The following ANKS1A variants were observed in gnomAD, a reference collection of about 807,000 sequenced individuals.
ANKS1A encodes the protein ankyrin repeat and sterile alpha motif domain containing 1A, also known as ankyrin repeat and SAM domain-containing protein 1A.
A neutral mutation model predicts 120.3 loss-of-function variants in ANKS1A; 55 were observed. The observed-to-expected ratio is 0.46, with a 90% confidence interval of 0.37 to 0.57. The LOEUF is 0.57. ANKS1A is among the 20% of genes least tolerant of loss of function. The pLI is 0.00. For synonymous variants in ANKS1A, 590 were observed against 604.7 expected (o/e 0.98, Z 0.36); for missense variants, 1,123 against 1,480.3 (o/e 0.76, Z 3.96).
At chr6:35,097,239 T>G in the ANKS1A span, among the ~76,000 whole-genome samples, 32 of 148,942 alleles carry the variant, frequency 2.1e-4, no homozygotes, top group African/African-American at 7.7e-4. Context: ...AGTTAGGTTC[T>G]CAGGGCCAGG....
At chr6:34,923,743 G>A (rs1295574916) in intron 1 of ANKS1A, among the ~76,000 whole-genome samples, 1 of 152,182 alleles carries the variant, frequency 6.6e-6, no homozygotes, top group Non-Finnish European at 1.5e-5. Context: ...CTTCCTTCCT[G>A]TGAGACCAGA....
At chr6:34,912,366 A>G (rs541358553) in intron 1 of ANKS1A, among the ~76,000 whole-genome samples, 2 of 152,300 alleles carry the variant, frequency 1.3e-5, no homozygotes, top group Admixed American at 1.3e-4. Context: ...TTAAAAAACC[A>G]AGTCTAGGTT....
chr6:35,012,817 C>T (rs1036153961), intron 10 of ANKS1A, among the ~76,000 whole-genome samples: 3 of 152,016 alleles, frequency 2.0e-5, no homozygotes, highest in Non-Finnish European at 2.9e-5. Flanking sequence ...CAGCTGGCCT[C>T]GATGTATGGG....
intron 1 of ANKS1A, among the ~76,000 whole-genome samples, chr6:34,892,837 C>T (rs1766889255): frequency 6.6e-6 from 1 of 152,176 alleles, no homozygotes; most frequent in African/African-American, 2.4e-5. Flanking sequence ...TATAGCAACC[C>T]TCACCGATTG....
At chr6:34,959,300 A>G (rs1770521020) in intron 1 of ANKS1A, among the ~76,000 whole-genome samples, 1 of 152,212 alleles carries the variant, frequency 6.6e-6, no homozygotes, top group Non-Finnish European at 1.5e-5. Flanking sequence ...GGTTTGTTAT[A>G]CTGCATAGAG....
At chr6:34,951,193 C>T (rs1012227252) in intron 1 of ANKS1A, among the ~76,000 whole-genome samples, 1 of 151,716 alleles carries the variant, frequency 6.6e-6, no homozygotes, top group South Asian at 2.1e-4. Flanking sequence ...TGCCTTGCCT[C>T]GTTTTATAGA....
At chr6:34,936,442 T>C (rs557447734) in intron 1 of ANKS1A, among the ~76,000 whole-genome samples, 1 of 152,336 alleles carries the variant, frequency 6.6e-6, no homozygotes, top group Non-Finnish European at 1.5e-5. Flanking sequence ...CCTCCAACTG[T>C]AGATGGCTCA....
Position 35,086,158 on chromosome 6 carries a change from G to T in ANKS1A, c.3303+222G>T. ...TCTCATGCTCCTGTTTCCCTCCCTC[G>T]CTGGGCTCCCCCAAGGGCAAGGCCG... On this transcript the variant is annotated intron_variant, in intron 22 of 23. Coordinates refer to ENST00000360359, the MANE Select transcript of ANKS1A (RefSeq NM_015245.3). This position sits in a 1 kb window ranked among gnomAD's most constrained non-coding sequence, Gnocchi z 5.1. 8.3e-7 allele frequency: 1 copy of T among 1,202,422 alleles called. No homozygotes were observed. Among genetic ancestry groups the T allele is most frequent in the Non-Finnish European group, 1.1e-6 (1 of 875,536 alleles). The allele number at this position is 1,202,422 out of a possible 1,614,324, so 74.5% of individuals were successfully genotyped here. A position where few individuals can be genotyped will look rare whatever the true frequency, so the allele number is the denominator to read the frequency against.
At chr6:35,066,358 C>A (rs1174049304) in intron 13 of ANKS1A, among the ~76,000 whole-genome samples, 1 of 152,064 alleles carries the variant, frequency 6.6e-6, no homozygotes, top group Non-Finnish European at 1.5e-5. Context: ...TGGGACCAAG[C>A]CTCTGACTCC....
At chr6:34,902,300 A>G (rs1400148852) in intron 1 of ANKS1A, among the ~76,000 whole-genome samples, 1 of 151,150 alleles carries the variant, frequency 6.6e-6, no homozygotes, top group African/African-American at 2.4e-5. Flanking sequence ...CCCATGCTGG[A>G]GTGCAATGCG....
chr6:35,012,971 C>T (rs189304728), intron 10 of ANKS1A, among the ~76,000 whole-genome samples: 49 of 152,250 alleles, frequency 3.2e-4, no homozygotes, highest in African/African-American at 1.2e-3. Flanking sequence ...TGCAACTTCA[C>T]TAGTCCCTGG....
At position 35,054,131 on chromosome 6, in the gene ANKS1A, G is replaced by A; in HGVS notation, c.2043G>A (p.Gly681=). ...AAATCATGAGTTCTATTGGAGAAGG[G>A]ATTGACTTTTCTCAGGAACGGCAGA... ...IEKIMSSIGE[G]IDFSQERQKI... Residue 681 remains glycine, a synonymous_variant, in exon 12 of 24, where the codon GGG becomes GGA. Coordinates refer to ENST00000360359, the MANE Select transcript of ANKS1A (RefSeq NM_015245.3). 6.2e-7 allele frequency: 1 copy of A among 1,614,064 alleles called. No individual in the cohort carries two copies. Among genetic ancestry groups the A allele is most frequent in the Non-Finnish European group, 8.5e-7 (1 of 1,179,922 alleles).
intron 1 of ANKS1A, among the ~76,000 whole-genome samples, chr6:34,946,960 A>G (rs899344513): frequency 1.3e-5 from 2 of 152,214 alleles, no homozygotes; most frequent in East Asian, 1.9e-4. Flanking sequence ...AAGTGTTTGC[A>G]TGCTGGCTTC....
In ANKS1A at chr6:35,018,755, T is replaced by C. The variant is rs79023447; in HGVS notation, c.2010+696T>C. On this transcript the variant is annotated intron_variant, in intron 11 of 23. Transcript: ENST00000360359. Reference sequence around the variant, plus strand: ...TATCTTTATGTCCATGAGTACCCAATGTTTAAGGGAGAACATGCTGCACTG... The same window carrying C: ...TATCTTTATGTCCATGAGTACCCAACGTTTAAGGGAGAACATGCTGCACTG... Among the ~76,000 whole-genome samples, 1,014 of 152,224 alleles carry C rather than the reference T, an allele frequency of 6.7e-3. 10 individuals are homozygous for C. Among genetic ancestry groups the C allele is most frequent in the African/African-American group, 0.023 (963 of 41,514 alleles).
intron 13 of ANKS1A, among the ~76,000 whole-genome samples, chr6:35,064,475 A>G (rs138842972): frequency 1.6e-4 from 25 of 152,222 alleles, no homozygotes; most frequent in African/African-American, 5.8e-4. Context: ...TACGTGTTGG[A>G]GAGAAATGAC....
chr6:35,012,027 T>G (rs1218831838), intron 10 of ANKS1A, among the ~76,000 whole-genome samples: 1 of 152,288 alleles, frequency 6.6e-6, no homozygotes, highest in East Asian at 1.9e-4. Context: ...GCCTGTACTT[T>G]TAACCATGAG....
At chr6:35,024,755 C>A (rs1340309536) in intron 11 of ANKS1A, among the ~76,000 whole-genome samples, 1 of 152,202 alleles carries the variant, frequency 6.6e-6, no homozygotes, top group Non-Finnish European at 1.5e-5. Flanking sequence ...TCATTAGAGG[C>A]ATGATGTCAT....
rs79485250 is a variant in ANKS1A, at chr6:34,934,924, T to G, written c.198-32315T>G. On this transcript the variant is annotated intron_variant, in intron 1 of 23. Coordinates refer to ENST00000360359, the MANE Select transcript of ANKS1A (RefSeq NM_015245.3). ...CTAGTTATTTCAAACATTGGATTCT[T>G]CAGGTGTCTTCTTTCATTTGTTTTT... Among the ~76,000 whole-genome samples, 42 of 152,358 alleles carry G rather than the reference T, an allele frequency of 2.8e-4. No individual in the cohort carries two copies. The East Asian group carries it at 7.5e-3, about 27-fold the overall frequency.
chr6:35,053,685 C>G (rs1776070778), intron 11 of ANKS1A, among the ~76,000 whole-genome samples: 1 of 152,226 alleles, frequency 6.6e-6, no homozygotes, highest in Non-Finnish European at 1.5e-5. Context: ...TAGCATGGAA[C>G]AAAGCCGGCA....
Sources: gnomAD v4.1 joint callset for allele counts (sites outside exome capture counted in the v4.1 genomes callset) on GRCh38, gnomAD v4.1.1 for gene constraint, Gnocchi (gnomAD v3.1) non-coding constraint, MANE v1.5 for transcripts, NCBI Gene and HGNC (gene_info 2026-07-23, HGNC 2026-07-21) for gene names.